SLC8A2: variants seen among roughly 807,000 people sequenced by gnomAD.
The protein encoded by SLC8A2 is solute carrier family 8 member A2, also known as sodium/calcium exchanger 2.
A neutral mutation model predicts 70.2 loss-of-function variants in SLC8A2; 14 were observed. That is an observed-to-expected ratio of 0.20 (90% confidence interval 0.13 to 0.31). SLC8A2 has a LOEUF of 0.31. Among genes scored for constraint, SLC8A2 ranks in the 10% least tolerant of loss-of-function variants. The pLI is 1.00. For synonymous variants in SLC8A2, 575 were observed against 594.3 expected, an observed-to-expected ratio of 0.97 and a Z score of 0.47; for missense variants, 779 against 1,320.1, an observed-to-expected ratio of 0.59 and a Z score of 6.35.
chr19:47,452,484 G>A (rs897454320), intron 3 of SLC8A2, among the ~76,000 whole-genome samples: 1 of 146,902 alleles, frequency 6.8e-6, no homozygotes, highest in African/African-American at 2.5e-5. Context: ...GTGTGTGTGT[G>A]TGTGTGTCTT....
chr19:47,459,023 C>T (rs1486632832), intron 2 of SLC8A2, among the ~76,000 whole-genome samples: 1 of 149,610 alleles, frequency 6.7e-6, no homozygotes, highest in East Asian at 2.0e-4. Flanking sequence ...TCCTTGCTCC[C>T]GTTCCTCTCC....
intron 6 of SLC8A2, among the ~76,000 whole-genome samples, chr19:47,439,022 T>C (rs576376824): frequency 2.9e-4 from 44 of 152,234 alleles, no homozygotes; most frequent in African/African-American, 1.1e-3. Flanking sequence ...CGGCCTGAGT[T>C]ATGGACACTA....
chr19:47,449,857 C>T (rs1409789926), intron 3 of SLC8A2, among the ~76,000 whole-genome samples: 2 of 151,270 alleles, frequency 1.3e-5, no homozygotes, highest in East Asian at 1.9e-4. Flanking sequence ...AAGACTTCTG[C>T]GTTTACCCTG....
In SLC8A2 at chr19:47,465,846, G is replaced by A. The variant is rs373393717; in HGVS notation, c.558C>T (p.Ala186=). The A allele has an allele frequency of 3.0e-5, 49 of 1,614,184 alleles. No individual in the cohort carries two copies. The highest frequency in any genetic ancestry group is 5.3e-5 in the African/African-American group (4 of 75,064). The change falls in exon 2 of 10, where the codon GCC becomes GCT. Residue 186 remains alanine (A), a synonymous_variant. Coordinates refer to ENST00000236877, the MANE Select transcript of SLC8A2 (RefSeq NM_015063.3). This position sits in a 1 kb window ranked among gnomAD's most constrained non-coding sequence, Gnocchi z 5.5. ...GGTGCTTGATCTTGCGGCTCTCGCC[G>A]GCTGGGATGACGTAGATGCACACGG... is the stretch of plus-strand genomic sequence containing the variant. ...VIAVCIYVIP[A]GESRKIKHLR... is the part of the protein sequence containing the mutation.
chr19:47,456,430 G>A (rs908208526), intron 3 of SLC8A2, among the ~76,000 whole-genome samples: 1 of 152,206 alleles, frequency 6.6e-6, no homozygotes, highest in African/African-American at 2.4e-5. Context: ...CTGGGAGGCC[G>A]AGGCAGGTGG....
At position 47,456,992 on chromosome 19, in the gene SLC8A2, G is replaced by C; in HGVS notation, c.1278C>G (p.Thr426=). ...CCTCAGTGCGGTAGTCCACGTAGAA[G>C]GTGCTGTTGCCCTCGCCGCCCTGGC... The part of the protein sequence containing the change: ...VTCQGGEGNS[T]FYVDYRTEDG... The change falls in exon 3 of 10, where the codon ACC becomes ACG. Residue 426 remains threonine (T), a synonymous_variant. Coordinates refer to ENST00000236877, the MANE Select transcript of SLC8A2 (RefSeq NM_015063.3). 1 of 1,612,872 alleles carries C rather than the reference G, an allele frequency of 6.2e-7. No individual in the cohort carries two copies. The highest frequency in any genetic ancestry group is 8.5e-7 in the Non-Finnish European group (1 of 1,179,644).
In SLC8A2 at chr19:47,428,531, A is replaced by G. The variant is rs1281352925; in HGVS notation, c.*1558T>C. 3.9e-5 allele frequency: 6 copies of G among 152,444 alleles called. No homozygotes were observed. The highest frequency in any genetic ancestry group is 9.7e-5 in the African/African-American group (4 of 41,404). The allele number at this position is 152,444 out of a possible 1,614,324, so 9.4% of individuals were successfully genotyped here. A position where few individuals can be genotyped will look rare whatever the true frequency, so the allele number is the denominator to read the frequency against. On this transcript the variant is annotated 3_prime_UTR_variant, in exon 10 of 10. Coordinates refer to ENST00000236877, the MANE Select transcript of SLC8A2 (RefSeq NM_015063.3). ...GCGGCTGGACCCCGGCGCTGCTGCT[A>G]TATGTGGGTGTGTCCCGCAGACGAC...
chr19:47,442,293 C>A (rs557456115), intron 4 of SLC8A2, among the ~76,000 whole-genome samples: 62 of 152,282 alleles, frequency 4.1e-4, no homozygotes, highest in African/African-American at 1.4e-3. Flanking sequence ...ACAGTCTGTT[C>A]CTTCAAGAGC....
chr19:47,457,386 A>G lies in SLC8A2; in HGVS notation c.884T>C (p.Leu295Pro). 6.4e-7 allele frequency: 1 copy of G among 1,554,470 alleles called. No homozygotes were observed. Among genetic ancestry groups the G allele is most frequent in the South Asian group, 1.2e-5 (1 of 84,030 alleles). ...GGCGGGGCCCGGGCCCAGGCCGCCC[A>G]GCTCACCTGGGGCCTCGGCGCCCAC... The part of the protein sequence containing the change: ...TFVGAEAPGE[L>P]GGLGPGPAEA... The change falls in exon 3 of 10, where the codon CTG becomes CCG. Residue 295 changes from leucine (L) to proline (P), a missense_variant. Around this residue, in one of 6 missense-constraint regions of SLC8A2, gnomAD observed 186 missense variants for 246.6 expected, o/e 0.75. Transcript: ENST00000236877.
rs988874143 is a variant in SLC8A2, at chr19:47,429,589, G to T, written c.*500C>A. ...CTGAGCGGAGCTCCCTGAGGGCTGG[G>T]GGGAAGGGCTGGGAGCTGAGACGGC... On this transcript the variant is annotated 3_prime_UTR_variant, in exon 10 of 10. Transcript: ENST00000236877. 1 of 160,220 alleles carries T rather than the reference G, an allele frequency of 6.2e-6. No individual in the cohort carries two copies. Among genetic ancestry groups the T allele is most frequent in the African/African-American group, 2.4e-5 (1 of 41,490 alleles). The allele number at this position is 160,220 out of a possible 1,614,324, so 9.9% of individuals were successfully genotyped here.
chr19:47,450,169 C>T (rs766467348), intron 3 of SLC8A2, among the ~76,000 whole-genome samples: 2 of 152,092 alleles, frequency 1.3e-5, no homozygotes, highest in Non-Finnish European at 2.9e-5. Flanking sequence ...GTAAGGGGCT[C>T]AGCACCATCT....
In SLC8A2 at chr19:47,457,226, C is replaced by T. The variant is rs1444090222; in HGVS notation, c.1044G>A (p.Lys348=). ...CCTGGATGCGGTAGAAGGCGCGGCT[C>T]TTCTGCTGGTGCAGCAGCGCGTAGT... is the stretch of plus-strand genomic sequence containing the variant. ...ANYYALLHQQ[K]SRAFYRIQAT... The change falls in exon 3 of 10, where the codon AAG becomes AAA. Residue 348 remains lysine, a synonymous_variant. Transcript: ENST00000236877. 4 of 1,546,524 alleles carry T rather than the reference C, an allele frequency of 2.6e-6. No homozygotes were observed. The highest frequency in any genetic ancestry group is 2.0e-5 in the Admixed American group (1 of 50,738).
chr19:47,450,083 C>T (rs995705836), intron 3 of SLC8A2, among the ~76,000 whole-genome samples: 3 of 152,122 alleles, frequency 2.0e-5, no homozygotes, highest in Non-Finnish European at 4.4e-5. Context: ...GGCAGGGCTG[C>T]AGACATCAGC....
chr19:47,454,362 A>T (rs1967278677), intron 3 of SLC8A2, among the ~76,000 whole-genome samples: 1 of 152,190 alleles, frequency 6.6e-6, no homozygotes, highest in Non-Finnish European at 1.5e-5. Flanking sequence ...AACTGAGGGC[A>T]TGTGGATGAT....
At chr19:47,431,676 AAAAAC>A (rs71180841) in intron 9 of SLC8A2, among the ~76,000 whole-genome samples, 57,378 of 112,166 alleles carry the variant, frequency 0.51, 17,270 homozygotes, top group Non-Finnish European at 0.68. Context: ...AAAAAAAAAA[AAAAAC>A]AAAACCCAAA....
Position 47,468,072 on chromosome 19 carries a change from C to T in SLC8A2, c.-16-1653G>A, listed in dbSNP as rs997543429. 3.3e-5 allele frequency among the ~76,000 whole-genome samples: 5 copies of T among 151,462 alleles called. No individual in the cohort carries two copies. The highest frequency in any genetic ancestry group is 7.3e-5 in the African/African-American group (3 of 41,192). Reference sequence around the variant, plus strand: ...TGCCTCATCCCCCTACTGTTCAGAACCCCCGCCAGCTCCCATCTCACTCAC... The same window carrying T: ...TGCCTCATCCCCCTACTGTTCAGAATCCCCGCCAGCTCCCATCTCACTCAC... On this transcript the variant is annotated intron_variant, in intron 1 of 9. Coordinates refer to ENST00000236877, the MANE Select transcript of SLC8A2 (RefSeq NM_015063.3). This position sits in a 1 kb window ranked among gnomAD's most constrained non-coding sequence, Gnocchi z 5.1.
chr19:47,461,111 AC>A (rs1350531322), intron 2 of SLC8A2, among the ~76,000 whole-genome samples: 1 of 149,954 alleles, frequency 6.7e-6, no homozygotes, highest in Non-Finnish European at 1.5e-5. Flanking sequence ...AATCGCTTGA[AC>A]CCGGGAGGCG....
chr19:47,429,464 C>G lies in SLC8A2; in HGVS notation c.*625G>C, dbSNP rs1966919949. On this transcript the variant is annotated 3_prime_UTR_variant, in exon 10 of 10. Coordinates refer to ENST00000236877, the MANE Select transcript of SLC8A2 (RefSeq NM_015063.3). ...CAAACTTCTCCCCTCGTCTCCGAGCCTGGAGAATGAGTGTCCTCCCAAGAA... is the reference window on the plus strand; with the variant it reads ...CAAACTTCTCCCCTCGTCTCCGAGCGTGGAGAATGAGTGTCCTCCCAAGAA... The G allele has an allele frequency of 6.5e-6, 1 of 152,886 alleles. No homozygotes were observed. Among genetic ancestry groups the G allele is most frequent in the South Asian group, 2.1e-4 (1 of 4,832 alleles). 9.5% of individuals were successfully genotyped at this position (152,886 alleles called of 1,614,324 possible). A position where few individuals can be genotyped will look rare whatever the true frequency, so the allele number is the denominator to read the frequency against.
chr19:47,467,003 G>A (rs1967471920), intron 1 of SLC8A2, among the ~76,000 whole-genome samples: 1 of 152,172 alleles, frequency 6.6e-6, no homozygotes, highest in African/African-American at 2.4e-5. Context: ...GTTGCAGTGA[G>A]CTGAGATGGC....
Sources: allele counts gnomAD v4.1 joint callset (sites outside exome capture counted in the v4.1 genomes callset), GRCh38; gene constraint gnomAD v4.1.1; regional missense constraint gnomAD v4.1.1; non-coding constraint Gnocchi (gnomAD v3.1); transcripts MANE v1.5; gene names NCBI Gene and HGNC (gene_info 2026-07-23, HGNC 2026-07-21).